The following CHMP5 variants were observed in gnomAD, a reference collection of about 807,000 sequenced individuals.
The protein encoded by CHMP5 is charged multivesicular body protein 5.
Under a neutral mutation model 33.0 loss-of-function variants are expected in CHMP5, and 17 were observed. That is an observed-to-expected ratio of 0.52 (90% CI 0.35 to 0.77). The LOEUF is 0.77. Among genes scored for constraint, CHMP5 ranks in the 30% least tolerant of loss-of-function variants. The probability of loss-of-function intolerance (pLI) is 0.01; values close to 1 mark genes in which losing one functional copy is unlikely to be tolerated. For synonymous variants in CHMP5, 76 were observed against 90.2 expected, an observed-to-expected ratio of 0.84 and a Z score of 0.89; for missense variants, 216 against 261.5, an observed-to-expected ratio of 0.83 and a Z score of 1.20.
At chr9:33,276,615 C>T (rs529253591) in intron 6 of CHMP5, 51 bp downstream of exon 6, 2 of 979,120 alleles carry the variant, frequency 2.0e-6, no homozygotes, top group Admixed American at 4.1e-5. Context: ...CCAAAAGCAA[C>T]AGCTGCCTGG....
intron 6 of CHMP5, among the ~76,000 whole-genome samples, chr9:33,277,190 CAAAAAAAAAAAA>C (rs59657807): frequency 5.6e-5 from 3 of 53,406 alleles, no homozygotes; most frequent in South Asian, 1.3e-3. Context: ...GACCTTCTCT[CAAAAAAAAAAAA>C]AAAAAAAAAA....
intron 5 of CHMP5, among the ~76,000 whole-genome samples, chr9:33,273,038 C>T (rs757170822): frequency 7.9e-5 from 12 of 151,544 alleles, no homozygotes; most frequent in Non-Finnish European, 1.6e-4. Flanking sequence ...AGTGTGATCT[C>T]GGCTCACTGC....
At chr9:33,270,927 C>T (rs942552269) in intron 4 of CHMP5, among the ~76,000 whole-genome samples, 2 of 152,026 alleles carry the variant, frequency 1.3e-5, no homozygotes, top group Non-Finnish European at 2.9e-5. Flanking sequence ...ACTAAAAATA[C>T]AAAAATTAGC....
rs778157826 is a variant in CHMP5, at chr9:33,271,238, A to G, written c.387+15A>G. 13 of 1,601,320 alleles carry G rather than the reference A, an allele frequency of 8.1e-6. No individual in the cohort carries two copies. Among genetic ancestry groups the G allele is most frequent in the Non-Finnish European group, 1.1e-5 (13 of 1,168,572 alleles). ...ACCAGATTGAGGTGAGACATATGCT[A>G]GTTTCTGCAAGAATGTGCACTAGTT... On this transcript the variant is annotated intron_variant, in intron 5 of 7. Coordinates refer to ENST00000223500, the MANE Select transcript of CHMP5 (RefSeq NM_016410.6).
intron 5 of CHMP5, among the ~76,000 whole-genome samples, chr9:33,273,023 A>C (rs1564086807): frequency 6.6e-6 from 1 of 152,094 alleles, no homozygotes; most frequent in Non-Finnish European, 1.5e-5. Flanking sequence ...CCAAGGCTGG[A>C]GTGCAGTGTG....
chr9:33,274,546 G>A (rs1820830755), intron 5 of CHMP5, among the ~76,000 whole-genome samples: 1 of 152,124 alleles, frequency 6.6e-6, no homozygotes, highest in Admixed American at 6.5e-5. Flanking sequence ...TATAGTATTA[G>A]GTGCTTAGTG....
chr9:33,269,834 G>A (rs756095166), intron 3 of CHMP5, among the ~76,000 whole-genome samples: 9 of 151,932 alleles, frequency 5.9e-5, no homozygotes, highest in East Asian at 1.9e-4. Context: ...TTAACCAAGC[G>A]TGGTGGCGCA....
Position 33,276,569 on chromosome 9 carries a change from G to C in CHMP5, c.496+5G>C, listed in dbSNP as rs372244713. On this transcript the variant is annotated splice_donor_5th_base_variant and intron_variant, in intron 6 of 7. Transcript: ENST00000223500. ...ATGAAGATGATTTAGAAGCAGGTAA[G>C]TTATGAGAAAAGTAATGTATATTTA... The C allele has an allele frequency of 3.9e-6, 6 of 1,533,760 alleles. No homozygotes were observed. The highest frequency in any genetic ancestry group is 5.4e-6 in the Non-Finnish European group (6 of 1,109,112).
intron 3 of CHMP5, among the ~76,000 whole-genome samples, chr9:33,268,820 A>C (rs1820759012): frequency 6.6e-6 from 1 of 152,216 alleles, no homozygotes; most frequent in South Asian, 2.1e-4. Context: ...CACCTTTAAA[A>C]TGCTAATTTC....
In CHMP5 at chr9:33,281,031, T is replaced by C; in HGVS notation, c.*172T>C. The C allele has an allele frequency of 2.2e-6, 1 of 464,450 alleles. No individual in the cohort carries two copies. The highest frequency in any genetic ancestry group is 6.0e-5 in the South Asian group (1 of 16,738). The allele number at this position is 464,450 out of a possible 1,614,324, so 28.8% of individuals were successfully genotyped here. A position where few individuals can be genotyped will look rare whatever the true frequency, so the allele number is the denominator to read the frequency against. On this transcript the variant is annotated 3_prime_UTR_variant, in exon 8 of 8. Coordinates refer to ENST00000223500, the MANE Select transcript of CHMP5 (RefSeq NM_016410.6). ...ATTAAGAGACTCATTGCTTGGGAAA[T>C]GCTTTCTTCGTACTAAAATTTGATT...
rs1820915533 is a variant in CHMP5 at position 33,280,968 on chromosome 9, G to A, written c.*109G>A. On this transcript the variant is annotated 3_prime_UTR_variant, in exon 8 of 8. Transcript: ENST00000223500. The stretch of plus-strand genomic sequence containing the variant: ...AGATTTAGGTTTCTTTCCTTTCTTT[G>A]AAGGAAAGTTTAATTACATTGCTCT... 1.2e-6 allele frequency: 1 copy of A among 843,282 alleles called. No homozygotes were observed. The highest frequency in any genetic ancestry group is 1.8e-6 in the Non-Finnish European group (1 of 549,164). 52.2% of individuals were successfully genotyped at this position (843,282 alleles called of 1,614,324 possible). A position where few individuals can be genotyped will look rare whatever the true frequency, so the allele number is the denominator to read the frequency against.
chr9:33,265,560 G>A (rs1046482222), intron 1 of CHMP5, among the ~76,000 whole-genome samples: 1 of 152,192 alleles, frequency 6.6e-6, no homozygotes, highest in East Asian at 1.9e-4. Context: ...CTGTGCCTTC[G>A]TCCTGGATCT....
rs1333009782 is a variant in CHMP5 at position 33,280,878 on chromosome 9, T to A, written c.*19T>A. On this transcript the variant is annotated 3_prime_UTR_variant, in exon 8 of 8. Transcript: ENST00000223500. ...TTCATAGATTTGCATCATTCAAGCA[T>A]ATCTTGTAAAACAAACACATATTAT... The A allele has an allele frequency of 3.1e-6, 5 of 1,599,330 alleles. No homozygotes were observed. In the East Asian group the frequency reaches 1.1e-4, roughly 36 times the overall value.
intron 6 of CHMP5, chr9:33,277,845 T>G (rs1332134885): frequency 1.7e-5 from 5 of 297,152 alleles, no homozygotes; most frequent in East Asian, 1.2e-4. Context: ...TCATTTTTTT[T>G]CCACTTATTT....
In CHMP5 at chr9:33,281,150, A is replaced by G. The variant is rs1194945037; in HGVS notation, c.*291A>G. On this transcript the variant is annotated 3_prime_UTR_variant, in exon 8 of 8. Transcript: ENST00000223500. ...ATTAATAATAATTTGAAATAAAACT[A>G]AGGAAATGGAATCTTAAAAGTCTAT... 3 of 313,122 alleles carry G rather than the reference A, an allele frequency of 9.6e-6. No individual in the cohort carries two copies. 19.4% of individuals were successfully genotyped at this position (313,122 alleles called of 1,614,324 possible).
chr9:33,265,550 C>T (rs1298210223), intron 1 of CHMP5, among the ~76,000 whole-genome samples: 1 of 152,224 alleles, frequency 6.6e-6, no homozygotes, highest in Non-Finnish European at 1.5e-5. Flanking sequence ...GTCAACATAT[C>T]TGTGCCTTCG....
intron 6 of CHMP5, 21 bp downstream of exon 6, chr9:33,276,585 T>G: frequency 7.2e-7 from 1 of 1,385,216 alleles, no homozygotes; most frequent in South Asian, 1.2e-5. Flanking sequence ...AGAAAAGTAA[T>G]GTATATTTAG....
intron 1 of CHMP5, among the ~76,000 whole-genome samples, chr9:33,265,596 GC>G (rs1820705920): frequency 6.6e-6 from 1 of 152,126 alleles, no homozygotes; most frequent in Admixed American, 6.5e-5. Flanking sequence ...CAGAACCCTA[GC>G]CCCTCAGATT....
intron 5 of CHMP5, among the ~76,000 whole-genome samples, chr9:33,275,188 T>C (rs1396037003): frequency 5.3e-5 from 8 of 152,158 alleles, no homozygotes; most frequent in African/African-American, 9.7e-5. Context: ...AAATATAGTG[T>C]TTGCAGGATG....
Sources: gnomAD v4.1 joint callset for allele counts (sites outside exome capture counted in the v4.1 genomes callset) on GRCh38, gnomAD v4.1.1 for gene constraint, MANE v1.5 for transcripts, NCBI Gene and HGNC (gene_info 2026-07-23, HGNC 2026-07-21) for gene names.